The following BLZF1 variants were observed in gnomAD, a reference collection of about 807,000 sequenced individuals.
BLZF1 encodes basic leucine zipper nuclear factor 1, also known as golgin-45.
In BLZF1, 39 loss-of-function variants were observed where a neutral mutation model predicts 43.8. That is an observed-to-expected ratio of 0.89 (90% CI 0.69 to 1.16). BLZF1 has a LOEUF of 1.16. BLZF1 is among the 50% of genes most tolerant of loss of function. The probability of loss-of-function intolerance (pLI) is 0.00; values close to 1 mark genes in which losing one functional copy is unlikely to be tolerated. For missense variants in BLZF1, 449 were observed against 469.8 expected, an observed-to-expected ratio of 0.96 and a Z score of 0.41; for synonymous variants, 136 against 159.4, an observed-to-expected ratio of 0.85 and a Z score of 1.11.
intron 6 of BLZF1, among the ~76,000 whole-genome samples, chr1:169,384,177 T>TA (rs1414805125): frequency 6.6e-6 from 1 of 152,226 alleles, no homozygotes; most frequent in Non-Finnish European, 1.5e-5. Flanking sequence ...CAGATTTCGA[T>TA]AAAAAACACA....
intron 2 of BLZF1, 144 bp downstream of exon 2, chr1:169,369,694 G>A: frequency 1.7e-6 from 1 of 605,910 alleles, no homozygotes; most frequent in Non-Finnish European, 2.9e-6. Context: ...TTTTAGTGCA[G>A]TGTTTATATT....
Position 169,376,853 on chromosome 1 carries a change from G to A in BLZF1, c.342G>A (p.Glu114=), listed in dbSNP as rs565968264. ...AAGGAGAATTCCTTGGTCAGTCAGA[G>A]GGAGTTATAGAACCTAATAAGGAAC... The part of the protein sequence containing the change: ...HHKGEFLGQS[E]GVIEPNKELS... Residue 114 remains glutamate, a synonymous_variant, in exon 3 of 7, where the codon GAG becomes GAA. Coordinates refer to ENST00000367808, the MANE Select transcript of BLZF1 (RefSeq NM_001320973.2). The A allele has an allele frequency of 1.9e-6, 3 of 1,613,288 alleles. No individual in the cohort carries two copies. Among genetic ancestry groups the A allele is most frequent in the East Asian group, 2.2e-5 (1 of 44,854 alleles).
chr1:169,372,768 A>C (rs1449090081), intron 2 of BLZF1, among the ~76,000 whole-genome samples: 1 of 152,128 alleles, frequency 6.6e-6, no homozygotes, highest in Non-Finnish European at 1.5e-5. Flanking sequence ...AGTTTTATGA[A>C]TAAAAGAGAA....
intron 3 of BLZF1, chr1:169,377,277 G>C (rs1252089411): frequency 2.8e-6 from 1 of 353,834 alleles, no homozygotes; most frequent in African/African-American, 2.1e-5. Flanking sequence ...GATTGACCAA[G>C]TCAGGCATAG....
In BLZF1 at chr1:169,395,008, T is replaced by A. The variant is rs558912624; in HGVS notation, c.*28-886T>A. 35 of 1,532,516 alleles carry A rather than the reference T, an allele frequency of 2.3e-5. No homozygotes were observed. The South Asian group carries it at 4.1e-4, about 18-fold the overall frequency. 94.9% of individuals were successfully genotyped at this position (1,532,516 alleles called of 1,614,324 possible). A position where few individuals can be genotyped will look rare whatever the true frequency, so the allele number is the denominator to read the frequency against. On this transcript the variant is annotated intron_variant, in intron 7 of 7. Transcript: ENST00000329281. ...ACCCTAAGAAATCATATCCAAAATTTTGATAGCAGCTGCCCACTGAAATAT... is the reference window on the plus strand; with the variant it reads ...ACCCTAAGAAATCATATCCAAAATTATGATAGCAGCTGCCCACTGAAATAT...
chr1:169,369,470 T>C lies in BLZF1; in HGVS notation c.-50-3T>C, dbSNP rs1654031226. On this transcript the variant is annotated splice_polypyrimidine_tract_variant and splice_region_variant and intron_variant, in intron 1 of 6. Coordinates refer to ENST00000367808, the MANE Select transcript of BLZF1 (RefSeq NM_001320973.2). The stretch of plus-strand genomic sequence containing the variant: ...AAATTATTTCATATGCATACATTTC[T>C]AGGTTGTTCAGCAGAAGTCTTGGAG... 2.0e-6 allele frequency: 3 copies of C among 1,519,532 alleles called. No individual in the cohort carries two copies. The highest frequency in any genetic ancestry group is 1.8e-5 in the Admixed American group (1 of 54,934). The allele number at this position is 1,519,532 out of a possible 1,614,324, so 94.1% of individuals were successfully genotyped here. A position where few individuals can be genotyped will look rare whatever the true frequency, so the allele number is the denominator to read the frequency against.
In BLZF1 at chr1:169,376,806, G is replaced by T. The variant is rs1167472770; in HGVS notation, c.295G>T (p.Val99Phe). 1 of 1,613,346 alleles carries T rather than the reference G, an allele frequency of 6.2e-7. No individual in the cohort carries two copies. Among genetic ancestry groups the T allele is most frequent in the Non-Finnish European group, 8.5e-7 (1 of 1,179,560 alleles). The change falls in exon 3 of 7, where the codon GTT (valine) becomes TTT (phenylalanine). Residue 99 changes from valine (V) to phenylalanine (F), a missense_variant. By Grantham distance (50) the Val-to-Phe change is conservative. Coordinates refer to ENST00000367808, the MANE Select transcript of BLZF1 (RefSeq NM_001320973.2). ...TGATATCCCCAACAAAAATACAAAG[G>T]TTAAGTCTCTGGGACATCATAAAGG... ...THDIPNKNTK[V>F]KSLGHHKGEF...
chr1:169,383,962 T>C (rs754281497), intron 6 of BLZF1, among the ~76,000 whole-genome samples: 3 of 152,200 alleles, frequency 2.0e-5, no homozygotes, highest in Admixed American at 6.5e-5. Context: ...TTTATGCTTG[T>C]GACTTTTCCA....
chr1:169,394,599 C>T (rs762013170), intron 7 of BLZF1, among the ~76,000 whole-genome samples: 3 of 152,106 alleles, frequency 2.0e-5, no homozygotes, highest in African/African-American at 7.2e-5. Context: ...TTAGGCCTAC[C>T]CTATTGCTTA....
chr1:169,378,604 G>C, intron 4 of BLZF1, 75 bp downstream of exon 4: 1 of 1,402,374 alleles, frequency 7.1e-7, no homozygotes, highest in East Asian at 2.3e-5. Flanking sequence ...ACACAAGAAA[G>C]TAGATTGTAG....
chr1:169,377,183 T>C (rs1188554829), intron 3 of BLZF1: 5 of 541,590 alleles, frequency 9.2e-6, no homozygotes, highest in African/African-American at 5.8e-5. Context: ...CTAAACCTCA[T>C]TGAAGATGGA....
chr1:169,376,906 A>C lies in BLZF1; in HGVS notation c.395A>C (p.Lys132Thr). Residue 132 changes from lysine to threonine, a missense_variant, in exon 3 of 7, where the codon AAG becomes ACG. Physicochemically the swap from Lys to Thr is moderately conservative, Grantham distance 78. Transcript: ENST00000367808. ...TCAGAGGTAAAGAATGTATTGGAAAAGCTCAAGAATTCTGAAAGAAGGTTA... is the reference window on the plus strand; with the variant it reads ...TCAGAGGTAAAGAATGTATTGGAAACGCTCAAGAATTCTGAAAGAAGGTTA... ...ELSEVKNVLE[K>T]LKNSERRLLQ... 6.2e-7 allele frequency: 1 copy of C among 1,613,342 alleles called. No homozygotes were observed. The highest frequency in any genetic ancestry group is 8.5e-7 in the Non-Finnish European group (1 of 1,179,540).
intron 6 of BLZF1, among the ~76,000 whole-genome samples, chr1:169,386,345 T>C (rs1654666002): frequency 6.6e-6 from 1 of 152,026 alleles, no homozygotes; most frequent in South Asian, 2.1e-4. Context: ...GAATGAAAGA[T>C]TGAAGAGGGG....
intron 5 of BLZF1, 137 bp from the exon 6 acceptor site, chr1:169,381,925 T>G: frequency 1.5e-6 from 1 of 683,582 alleles, no homozygotes; most frequent in Non-Finnish European, 2.4e-6. Flanking sequence ...CATCCGAATT[T>G]ATGGAACTCT....
At chr1:169,369,117 C>T (rs1041161730) in intron 1 of BLZF1, among the ~76,000 whole-genome samples, 1 of 152,056 alleles carries the variant, frequency 6.6e-6, no homozygotes, top group African/African-American at 2.4e-5. Context: ...CGGTATGTCT[C>T]CTAAGAAAGT....
chr1:169,372,023 T>C (rs3766096), intron 2 of BLZF1, among the ~76,000 whole-genome samples: 81,235 of 152,014 alleles, frequency 0.53, 22,542 homozygotes, highest in Non-Finnish European at 0.6. Context: ...TGAAACTCTG[T>C]AGAGATGCAG....
intron 2 of BLZF1, among the ~76,000 whole-genome samples, chr1:169,375,378 CAT>C (rs201095422): frequency 0.018 from 1,805 of 100,112 alleles, 60 homozygotes; most frequent in African/African-American, 0.064. Context: ...ACATATAAAA[CAT>C]ATATATATAA....
At chr1:169,379,581 T>G (rs1338770801) in intron 4 of BLZF1, among the ~76,000 whole-genome samples, 11 of 152,034 alleles carry the variant, frequency 7.2e-5, no homozygotes, top group African/African-American at 2.7e-4. Flanking sequence ...GATTTTTAAA[T>G]AAAAATTAAA....
intron 7 of BLZF1, chr1:169,395,150 C>G (rs763243832): frequency 1.2e-6 from 2 of 1,613,370 alleles, no homozygotes; most frequent in South Asian, 1.1e-5. Flanking sequence ...CTGTCTAGTT[C>G]TCTCTCTGAC....
Sources: allele counts gnomAD v4.1 joint callset (sites outside exome capture counted in the v4.1 genomes callset), GRCh38; gene constraint gnomAD v4.1.1; transcripts MANE v1.5; gene names NCBI Gene and HGNC (gene_info 2026-07-23, HGNC 2026-07-21).